The following LARGE1 variants were observed in gnomAD, a reference collection of about 807,000 sequenced individuals.
LARGE1 encodes the protein LARGE xylosyl- and glucuronyltransferase 1.
In LARGE1, 43 loss-of-function variants were observed where a neutral mutation model predicts 87.6. The ratio of observed to expected loss-of-function variants is 0.49; its 90% CI spans 0.38 to 0.63. The LOEUF is 0.63. Among genes scored for constraint, LARGE1 ranks in the 30% least tolerant of loss-of-function variants. LARGE1 has a pLI of 0.00. For missense variants in LARGE1, 802 were observed against 1,000.2 expected (o/e 0.80, Z 2.67); for synonymous variants, 434 against 394.6 (o/e 1.10, Z -1.18).
intron 1 of LARGE1, among the ~76,000 whole-genome samples, chr22:33,881,057 T>A (rs1601841802): frequency 1.1e-5 from 1 of 92,366 alleles, no homozygotes; most frequent in Admixed American, 1.1e-4. Context: ...GCTTTTTTAA[T>A]TTTTTTTTTT....
chr22:33,561,630 G>T (rs1408313081), intron 6 of LARGE1, among the ~76,000 whole-genome samples: 1 of 152,130 alleles, frequency 6.6e-6, no homozygotes, highest in Non-Finnish European at 1.5e-5. Context: ...CACCTAGAAG[G>T]AGCTCAGTAA....
chr22:33,785,482 T>C (rs1201221654), intron 1 of LARGE1, among the ~76,000 whole-genome samples: 1 of 151,940 alleles, frequency 6.6e-6, no homozygotes, highest in Admixed American at 6.6e-5. Context: ...ACTACCAGAG[T>C]GGCTAGTGTG....
intron 5 of LARGE1, among the ~76,000 whole-genome samples, chr22:33,583,980 T>G (rs528516018): frequency 3.8e-4 from 58 of 152,232 alleles, no homozygotes; most frequent in Non-Finnish European, 7.6e-4. Flanking sequence ...TTCCCCGCTG[T>G]GGGCATCCTG....
At chr22:33,785,896 G>T (rs1296637603) in intron 1 of LARGE1, among the ~76,000 whole-genome samples, 1 of 152,102 alleles carries the variant, frequency 6.6e-6, no homozygotes, top group East Asian at 1.9e-4. Context: ...GCAAACAAGG[G>T]GTAGATATTT....
At chr22:33,634,215 G>GAGTA (rs1214594413) in intron 3 of LARGE1, among the ~76,000 whole-genome samples, 6 of 152,152 alleles carry the variant, frequency 3.9e-5, no homozygotes, top group Non-Finnish European at 7.3e-5. Context: ...TAAGGACATG[G>GAGTA]AGTAAGTGGC....
In LARGE1 at chr22:33,703,894, T is replaced by C. The variant is rs73170534; in HGVS notation, c.107-53226A>G. Among the ~76,000 whole-genome samples the C allele has an allele frequency of 2.6e-4, 40 of 152,292 alleles. 1 individual carries two copies. The highest frequency in any genetic ancestry group is 6.5e-4 in the Admixed American group (10 of 15,298). On this transcript the variant is annotated intron_variant, in intron 2 of 14. Transcript: ENST00000397394. ...ACAGTAGCAACAGAAAACTAACATATATGTGTTAAGGTGTGTCTTCCAGAA... is the reference window on the plus strand; with the variant it reads ...ACAGTAGCAACAGAAAACTAACATACATGTGTTAAGGTGTGTCTTCCAGAA...
intron 6 of LARGE1, among the ~76,000 whole-genome samples, chr22:33,453,634 C>T (rs1370699976): frequency 2.0e-5 from 3 of 152,280 alleles, no homozygotes; most frequent in Admixed American, 6.5e-5. Context: ...GTACATCTGA[C>T]TGGCAGTCTG....
chr22:33,870,816 C>T (rs2064256180), intron 1 of LARGE1, among the ~76,000 whole-genome samples: 1 of 152,214 alleles, frequency 6.6e-6, no homozygotes, highest in Non-Finnish European at 1.5e-5. Context: ...GATCCGTTCA[C>T]CTTGGCCTCC....
At chr22:33,232,911 T>A (rs1568983653) in intron 11 of LARGE1, among the ~76,000 whole-genome samples, 2 of 152,164 alleles carry the variant, frequency 1.3e-5, no homozygotes, top group African/African-American at 4.8e-5. Context: ...ATATAACCCA[T>A]GTTTCTGGGG....
intron 9 of LARGE1, among the ~76,000 whole-genome samples, chr22:33,360,547 T>C (rs1482760746): frequency 6.7e-6 from 1 of 149,042 alleles, no homozygotes; most frequent in African/African-American, 2.5e-5. Context: ...TCGGATCTTG[T>C]GAGAACACTA....
At chr22:33,696,803 C>T (rs1406336924) in intron 2 of LARGE1, among the ~76,000 whole-genome samples, 3 of 152,052 alleles carry the variant, frequency 2.0e-5, no homozygotes, top group Non-Finnish European at 4.4e-5. Flanking sequence ...GTTTTTAATG[C>T]ATCTCTTTGT....
At chr22:33,747,848 G>A (rs541778032) in intron 2 of LARGE1, 1 of 152,080 alleles carries the variant, frequency 6.6e-6, no homozygotes, top group Non-Finnish European at 1.5e-5. Flanking sequence ...CCCTAATTAG[G>A]TTATGGGGGG....
intron 1 of LARGE1, among the ~76,000 whole-genome samples, chr22:33,771,796 G>A (rs552391975): frequency 3.2e-4 from 49 of 152,250 alleles, no homozygotes; most frequent in Admixed American, 2.8e-3. Context: ...ACCTGCTCCA[G>A]AAAGGGCAAC....
intron 6 of LARGE1, among the ~76,000 whole-genome samples, chr22:33,512,462 C>A (rs1415181122): frequency 2.0e-5 from 3 of 148,714 alleles, no homozygotes; most frequent in African/African-American, 7.8e-5. Flanking sequence ...AGGAGGAAAA[C>A]AACAGTCTTT....
At chr22:33,576,204 A>G (rs922623003) in intron 5 of LARGE1, among the ~76,000 whole-genome samples, 1 of 152,214 alleles carries the variant, frequency 6.6e-6, no homozygotes, top group Non-Finnish European at 1.5e-5. Flanking sequence ...AAGGCACTCA[A>G]TGAATAGTTT....
intron 9 of LARGE1, among the ~76,000 whole-genome samples, chr22:33,345,582 G>C (rs1432270921): frequency 2.6e-5 from 4 of 152,222 alleles, no homozygotes; most frequent in Non-Finnish European, 5.9e-5. Flanking sequence ...GGTGTGATCT[G>C]ATTGGATCTG....
chr22:33,403,673 G>A (rs899304175), intron 7 of LARGE1, among the ~76,000 whole-genome samples: 3 of 151,768 alleles, frequency 2.0e-5, no homozygotes, highest in African/African-American at 2.4e-5. Context: ...GCGCGATCTC[G>A]GCTCACTGCA....
intron 11 of LARGE1, among the ~76,000 whole-genome samples, chr22:33,178,314 C>CAAGGGA (rs1922987604): frequency 6.6e-6 from 1 of 152,156 alleles, no homozygotes; most frequent in Non-Finnish European, 1.5e-5. Flanking sequence ...AAGCCCTGCA[C>CAAGGGA]AACCATTAAG....
At chr22:33,473,353 T>G (rs957726644) in intron 6 of LARGE1, among the ~76,000 whole-genome samples, 2 of 151,922 alleles carry the variant, frequency 1.3e-5, no homozygotes, top group Non-Finnish European at 2.9e-5. Flanking sequence ...TATTTTTTAT[T>G]TTTTTTATTT....
Sources: allele counts gnomAD v4.1 joint callset (sites outside exome capture counted in the v4.1 genomes callset), GRCh38; gene constraint gnomAD v4.1.1; transcripts MANE v1.5; gene names NCBI Gene and HGNC (gene_info 2026-07-23, HGNC 2026-07-21).